The following DCAF6 variants were observed in gnomAD, a reference collection of about 807,000 sequenced individuals.
The protein encoded by DCAF6 is DDB1 and CUL4 associated factor 6.
Under a neutral mutation model 125.1 loss-of-function variants are expected in DCAF6, and 54 were observed. That is an observed-to-expected ratio of 0.43 (90% CI 0.35 to 0.54). The LOEUF is 0.54. Among genes scored for constraint, DCAF6 ranks in the 20% least tolerant of loss-of-function variants. The pLI, the probability that DCAF6 is intolerant of heterozygous loss-of-function variation, is 0.01. For missense variants in DCAF6, 934 were observed against 1,161.7 expected, an observed-to-expected ratio of 0.80 and a Z score of 2.85; for synonymous variants, 371 against 390.4, an observed-to-expected ratio of 0.95 and a Z score of 0.58.
the DCAF6 span, among the ~76,000 whole-genome samples, chr1:167,920,863 G>A: frequency 6.6e-6 from 1 of 152,086 alleles, no homozygotes; most frequent in African/African-American, 2.4e-5. Flanking sequence ...TCACATATCT[G>A]AAAGTCAGTA....
At chr1:167,868,679 A>G in the DCAF6 span, among the ~76,000 whole-genome samples, 1 of 152,228 alleles carries the variant, frequency 6.6e-6, no homozygotes, top group African/African-American at 2.4e-5. Flanking sequence ...CCTACTGCCC[A>G]TACAAATAGG....
intron 12 of DCAF6, among the ~76,000 whole-genome samples, chr1:168,034,226 G>A (rs1687514831): frequency 6.6e-6 from 1 of 152,096 alleles, no homozygotes; most frequent in Non-Finnish European, 1.5e-5. Context: ...CATATAAAAA[G>A]AAACCTCAGC....
the DCAF6 span, among the ~76,000 whole-genome samples, chr1:167,881,574 C>A: frequency 6.6e-6 from 1 of 152,178 alleles, no homozygotes; most frequent in Admixed American, 6.5e-5. Flanking sequence ...AGCGGCCTGG[C>A]AAGAGCTTTT....
At chr1:168,049,903 C>CAT (rs1689677353) in intron 16 of DCAF6, among the ~76,000 whole-genome samples, 4 of 150,998 alleles carry the variant, frequency 2.6e-5, no homozygotes, top group African/African-American at 9.7e-5. Flanking sequence ...GATCCGCCTG[C>CAT]CTCAGCCTCC....
At chr1:168,023,176 C>A (rs1486428165) in intron 12 of DCAF6, 129 bp downstream of exon 12, 2 of 934,126 alleles carry the variant, frequency 2.1e-6, no homozygotes, top group Non-Finnish European at 3.4e-6. Flanking sequence ...TTTTGTGGAC[C>A]AAATTACAAT....
the DCAF6 span, chr1:167,902,093 C>T: frequency 6.3e-7 from 1 of 1,580,068 alleles, no homozygotes; most frequent in Non-Finnish European, 8.7e-7. Flanking sequence ...ACCCTGATTC[C>T]TTAAAGGTAG....
intron 11 of DCAF6, among the ~76,000 whole-genome samples, chr1:168,021,177 A>G (rs1252263905): frequency 1.3e-5 from 2 of 152,118 alleles, no homozygotes; most frequent in Non-Finnish European, 2.9e-5. Context: ...GATGCATTTT[A>G]TCTGAACAAG....
intron 12 of DCAF6, chr1:168,023,964 C>T (rs200850392): frequency 1.3e-5 from 2 of 152,030 alleles, no homozygotes; most frequent in Non-Finnish European, 2.9e-5. Context: ...CCTGTAATCC[C>T]AGCTACTTGG....
At chr1:167,981,162 C>T (rs1446525845) in intron 4 of DCAF6, among the ~76,000 whole-genome samples, 1 of 152,060 alleles carries the variant, frequency 6.6e-6, no homozygotes, top group African/African-American at 2.4e-5. Context: ...CCGTCTCCGC[C>T]TCCAAAGTGC....
At chr1:168,064,966 T>C (rs886071061) in intron 18 of DCAF6, among the ~76,000 whole-genome samples, 2 of 152,236 alleles carry the variant, frequency 1.3e-5, no homozygotes, top group African/African-American at 4.8e-5. Context: ...TAGCTAATGA[T>C]CTTCTTTCTA....
At chr1:168,032,920 A>G (rs543160129) in intron 12 of DCAF6, among the ~76,000 whole-genome samples, 2 of 152,336 alleles carry the variant, frequency 1.3e-5, no homozygotes, top group African/African-American at 2.4e-5. Flanking sequence ...GGGGTATCCC[A>G]GCTTAAAGTC....
intron 20 of DCAF6, 34 bp from the exon 21 acceptor site, chr1:168,068,324 T>G: frequency 4.1e-5 from 60 of 1,473,064 alleles, no homozygotes; most frequent in Non-Finnish European, 5.1e-5. Context: ...AGTTACTTTA[T>G]GATCTTTGAT....
intron 12 of DCAF6, among the ~76,000 whole-genome samples, chr1:168,038,014 A>C (rs553896542): frequency 1.3e-5 from 2 of 152,320 alleles, no homozygotes; most frequent in African/African-American, 4.8e-5. Context: ...ATTGATGCTC[A>C]AGCAACTGAG....
chr1:167,875,766 C>T, the DCAF6 span, among the ~76,000 whole-genome samples: 4 of 152,012 alleles, frequency 2.6e-5, no homozygotes, highest in East Asian at 1.9e-4. Flanking sequence ...CTGGCTAACA[C>T]GGTGAAACCC....
In DCAF6 at chr1:168,065,574, T is replaced by C; in HGVS notation, c.2440-16T>C. On this transcript the variant is annotated splice_polypyrimidine_tract_variant and intron_variant, in intron 18 of 21. Transcript: ENST00000367840. ...ACTTTGATTTGAATTTTTAAATAAT[T>C]TTTTTTAACCCTTAGATAAAAGAAG... The C allele has an allele frequency of 6.6e-7, 1 of 1,505,492 alleles. No individual in the cohort carries two copies. The highest frequency in any genetic ancestry group is 9.0e-7 in the Non-Finnish European group (1 of 1,116,874). 93.3% of individuals were successfully genotyped at this position (1,505,492 alleles called of 1,614,324 possible).
chr1:168,027,813 T>G (rs73026198), intron 12 of DCAF6, among the ~76,000 whole-genome samples: 4,907 of 152,232 alleles, frequency 0.032, 196 homozygotes, highest in African/African-American at 0.095. Context: ...CTTTGCTTAT[T>G]TATCCTGAAT....
chr1:167,902,040 C>T, the DCAF6 span: 1 of 1,609,874 alleles, frequency 6.2e-7, no homozygotes, highest in Non-Finnish European at 8.5e-7. Context: ...ATGTCTCCTC[C>T]AAAAATCAAC....
the DCAF6 span, among the ~76,000 whole-genome samples, chr1:167,883,154 C>T: frequency 6.6e-6 from 1 of 152,374 alleles, no homozygotes; most frequent in South Asian, 2.1e-4. Flanking sequence ...TGTCCTGCCT[C>T]AGCCTCCTGA....
intron 1 of DCAF6, among the ~76,000 whole-genome samples, chr1:167,949,207 G>A (rs906282123): frequency 1.3e-5 from 2 of 152,184 alleles, no homozygotes; most frequent in African/African-American, 4.8e-5. Context: ...TGAGTTGGAA[G>A]CCACAATGGT....
Sources: allele counts gnomAD v4.1 joint callset (sites outside exome capture counted in the v4.1 genomes callset), GRCh38; gene constraint gnomAD v4.1.1; transcripts MANE v1.5; gene names NCBI Gene and HGNC (gene_info 2026-07-23, HGNC 2026-07-21).